RHBDL2: variants seen among roughly 807,000 people sequenced by gnomAD.
The protein encoded by RHBDL2 is rhomboid-related protein 2.
RHBDL2 carries 26 observed loss-of-function variants against 31.7 expected under a neutral mutation model. The observed-to-expected ratio is 0.82, with a 90% confidence interval of 0.60 to 1.14. The LOEUF (loss-of-function observed/expected upper bound fraction) is 1.14. RHBDL2 is among the 50% of genes most tolerant of loss of function. The pLI is 0.00. For synonymous variants in RHBDL2, 123 were observed against 127.2 expected, an observed-to-expected ratio of 0.97 and a Z score of 0.22; for missense variants, 336 against 364.4, an observed-to-expected ratio of 0.92 and a Z score of 0.63.
At chr1:38,915,248 T>C (rs901432448) in intron 3 of RHBDL2, among the ~76,000 whole-genome samples, 2 of 150,970 alleles carry the variant, frequency 1.3e-5, no homozygotes, top group Non-Finnish European at 2.9e-5. Flanking sequence ...TTCTCCTGCC[T>C]CAGCCTCCCG....
intron 4 of RHBDL2, among the ~76,000 whole-genome samples, chr1:38,906,066 C>CAAA (rs771773572): frequency 4.4e-5 from 3 of 68,008 alleles, no homozygotes; most frequent in African/African-American, 1.4e-4. Flanking sequence ...GACTCCAACT[C>CAAA]AAAAAAAAAA....
At position 38,896,108 on chromosome 1, in the gene RHBDL2, C is replaced by T. The variant is rs561921650; in HGVS notation, c.509-39G>A. 52 of 1,418,000 alleles carry T rather than the reference C, an allele frequency of 3.7e-5. No homozygotes were observed. In the South Asian group the frequency reaches 4.6e-4, roughly 12 times the overall value. 87.8% of individuals were successfully genotyped at this position (1,418,000 alleles called of 1,614,324 possible). A position where few individuals can be genotyped will look rare whatever the true frequency, so the allele number is the denominator to read the frequency against. On this transcript the variant is annotated intron_variant, in intron 4 of 7. Coordinates refer to ENST00000372990, the MANE Select transcript of RHBDL2 (RefSeq NM_017821.5). ...ACACAAAGGATCAGACATGACTATA[C>T]GGATCAGGAAAGATAAATCTTTCTA...
intron 5 of RHBDL2, among the ~76,000 whole-genome samples, chr1:38,894,466 G>T (rs1269589673): frequency 1.3e-5 from 2 of 151,900 alleles, no homozygotes; most frequent in Non-Finnish European, 2.9e-5. Flanking sequence ...GGGACTACAG[G>T]TGCGTGCCAC....
At chr1:38,939,382 C>T (rs1416351277) in intron 1 of RHBDL2, among the ~76,000 whole-genome samples, 4 of 152,052 alleles carry the variant, frequency 2.6e-5, no homozygotes, top group African/African-American at 9.7e-5. Context: ...CTGAGATGGG[C>T]CAGGCATGGT....
chr1:38,895,926 G>GT (rs1642913138), intron 5 of RHBDL2, 43 bp downstream of exon 5: 9 of 1,306,382 alleles, frequency 6.9e-6, no homozygotes, highest in Admixed American at 2.0e-5. Context: ...ACTGTTTTCT[G>GT]TTTTTTTAAG....
Position 38,931,454 on chromosome 1 carries a change from A to G in RHBDL2, c.-126+10228T>C, listed in dbSNP as rs140450232. On this transcript the variant is annotated intron_variant, in intron 1 of 7. Coordinates refer to ENST00000372990, the MANE Select transcript of RHBDL2 (RefSeq NM_017821.5). Reference sequence around the variant, plus strand: ...GAGAATGGTGTGAACCCAGGAAGGCAGAGCTTGCAGTAAGCCGAGATCACG... The same window carrying G: ...GAGAATGGTGTGAACCCAGGAAGGCGGAGCTTGCAGTAAGCCGAGATCACG... 5.9e-3 allele frequency among the ~76,000 whole-genome samples: 896 copies of G among 152,154 alleles called. 4 individuals are homozygous for G. Among genetic ancestry groups the G allele is most frequent in the African/African-American group, 0.019 (785 of 41,520 alleles).
chr1:38,922,726 T>TCCCGCTCACGTTTATCTTCTGC (rs1643330089), intron 1 of RHBDL2, among the ~76,000 whole-genome samples: 1 of 149,660 alleles, frequency 6.7e-6, no homozygotes, highest in Non-Finnish European at 1.5e-5. Flanking sequence ...TCCTCATCTC[T>TCCCGCTCACGTTTATCTTCTGC]CCCGCTCACG....
chr1:38,915,650 T>C lies in RHBDL2; in HGVS notation c.307A>G (p.Thr103Ala), dbSNP rs780908808. The C allele has an allele frequency of 1.2e-6, 2 of 1,614,128 alleles. No homozygotes were observed. Among genetic ancestry groups the C allele is most frequent in the Admixed American group, 1.7e-5 (1 of 60,008 alleles). ...ATAAAGGGACTCTCCAAGATGCCTGTGTCCAACGTGATCCACTGTTTCTGA... is the reference window on the plus strand; with the variant it reads ...ATAAAGGGACTCTCCAAGATGCCTGCGTCCAACGTGATCCACTGTTTCTGA... ...KPQKQWITLDTGILESPFIYS... is the reference protein window; with the variant it reads ...KPQKQWITLDAGILESPFIYS... The change falls in exon 3 of 8, where the codon ACA becomes GCA. Residue 103 changes from threonine (T) to alanine (A), a missense_variant. Transcript: ENST00000372990.
At chr1:38,892,821 A>G (rs543786190) in intron 6 of RHBDL2, among the ~76,000 whole-genome samples, 1 of 152,310 alleles carries the variant, frequency 6.6e-6, no homozygotes, top group African/African-American at 2.4e-5. Flanking sequence ...TTCTAACCAT[A>G]AGACTAGTTT....
At chr1:38,926,634 C>A (rs190706904) in intron 1 of RHBDL2, 2 of 151,940 alleles carry the variant, frequency 1.3e-5, no homozygotes. Context: ...GTCGGGCATT[C>A]GAGACCAGCC....
Position 38,911,279 on chromosome 1 carries a change from A to T in RHBDL2, c.508+43T>A, listed in dbSNP as rs1191466215. 4 of 1,324,166 alleles carry T rather than the reference A, an allele frequency of 3.0e-6. No homozygotes were observed. In the African/African-American group the frequency reaches 5.8e-5, roughly 19 times the overall value. 82.0% of individuals were successfully genotyped at this position (1,324,166 alleles called of 1,614,324 possible). On this transcript the variant is annotated intron_variant, in intron 4 of 7. Transcript: ENST00000372990. ...TGTATTTCATTTGCTTTTAATCCTA[A>T]GAGCCCAGAGGTATTGATTCTGTGT...
At chr1:38,932,240 A>AG (rs1024382719) in intron 1 of RHBDL2, among the ~76,000 whole-genome samples, 2 of 152,178 alleles carry the variant, frequency 1.3e-5, no homozygotes, top group African/African-American at 4.8e-5. Context: ...TTTAAAAAAA[A>AG]AAAAAGAAAA....
chr1:38,924,788 T>C (rs1643355735), intron 1 of RHBDL2, among the ~76,000 whole-genome samples: 1 of 150,410 alleles, frequency 6.6e-6, no homozygotes, highest in African/African-American at 2.4e-5. Flanking sequence ...TTTTCTTTTT[T>C]TTTTTTTTTT....
intron 1 of RHBDL2, among the ~76,000 whole-genome samples, chr1:38,927,697 T>C (rs1483735750): frequency 6.6e-6 from 1 of 152,206 alleles, no homozygotes; most frequent in Non-Finnish European, 1.5e-5. Flanking sequence ...ACCTCTGCCC[T>C]GAGTATCTTA....
At chr1:38,938,380 A>G (rs1643531914) in intron 1 of RHBDL2, among the ~76,000 whole-genome samples, 1 of 152,132 alleles carries the variant, frequency 6.6e-6, no homozygotes, top group Non-Finnish European at 1.5e-5. Flanking sequence ...GAGGCACAGA[A>G]AGACCTCATG....
chr1:38,888,743 A>G (rs964209494), intron 6 of RHBDL2, among the ~76,000 whole-genome samples: 1 of 152,156 alleles, frequency 6.6e-6, no homozygotes, highest in African/African-American at 2.4e-5. Context: ...AAACTCTTAA[A>G]CCCACCCCAG....
chr1:38,909,074 G>A (rs1363781486), intron 4 of RHBDL2, among the ~76,000 whole-genome samples: 2 of 152,142 alleles, frequency 1.3e-5, no homozygotes, highest in African/African-American at 4.8e-5. Flanking sequence ...GCGTGCTGGC[G>A]TCTGTCCTGT....
chr1:38,914,032 G>C (rs916794742), intron 3 of RHBDL2, among the ~76,000 whole-genome samples: 1 of 151,742 alleles, frequency 6.6e-6, no homozygotes, highest in Non-Finnish European at 1.5e-5. Flanking sequence ...CAGGAGAATG[G>C]CTTAAACCAG....
intron 6 of RHBDL2, among the ~76,000 whole-genome samples, chr1:38,889,185 C>A (rs1642823984): frequency 6.6e-6 from 1 of 152,142 alleles, no homozygotes; most frequent in Non-Finnish European, 1.5e-5. Context: ...CCTCCGCCTC[C>A]CAGGTTCAAG....
Sources: allele counts gnomAD v4.1 joint callset (sites outside exome capture counted in the v4.1 genomes callset), GRCh38; gene constraint gnomAD v4.1.1; transcripts MANE v1.5; gene names NCBI Gene and HGNC (gene_info 2026-07-23, HGNC 2026-07-21).